NR6A1: variants seen among roughly 807,000 people sequenced by gnomAD.
NR6A1 encodes nuclear receptor subfamily 6 group A member 1.
In NR6A1, 7 loss-of-function variants were observed where a neutral mutation model predicts 59.1. The observed-to-expected ratio is 0.12, with a 90% CI of 0.07 to 0.22. The LOEUF is 0.22. Among genes scored for constraint, NR6A1 ranks in the 10% least tolerant of loss-of-function variants. The pLI is 1.00. For synonymous variants in NR6A1, 243 were observed against 236.1 expected (o/e 1.03, Z -0.27); for missense variants, 468 against 611.6 (o/e 0.77, Z 2.48).
intron 2 of NR6A1, among the ~76,000 whole-genome samples, chr9:124,712,992 A>G (rs900452369): frequency 2.0e-5 from 3 of 152,256 alleles, no homozygotes; most frequent in Non-Finnish European, 4.4e-5. Context: ...CAAAAACCCT[A>G]CAGCTTCCTG....
At chr9:124,590,436 A>C (rs114293837) in intron 2 of NR6A1, among the ~76,000 whole-genome samples, 1 of 152,138 alleles carries the variant, frequency 6.6e-6, no homozygotes, top group Middle Eastern at 3.2e-3. Context: ...CTTCTCCCCC[A>C]GTCACTCTCA....
intron 2 of NR6A1, among the ~76,000 whole-genome samples, chr9:124,609,575 T>C (rs147769905): frequency 7.5e-4 from 114 of 152,316 alleles, no homozygotes; most frequent in African/African-American, 2.6e-3. Flanking sequence ...TTGCTTAGGA[T>C]TGTCTTGGGT....
chr9:124,614,339 A>G (rs1835833121), intron 2 of NR6A1, among the ~76,000 whole-genome samples: 1 of 152,222 alleles, frequency 6.6e-6, no homozygotes, highest in African/African-American at 2.4e-5. Context: ...CTGGGGCTCC[A>G]TAGGGCCAAG....
At chr9:124,765,718 G>C (rs554798948) in intron 1 of NR6A1, among the ~76,000 whole-genome samples, 6 of 152,172 alleles carry the variant, frequency 3.9e-5, no homozygotes, top group Admixed American at 6.5e-5. Context: ...GGTTACACTA[G>C]TAAAGTCTTA....
At chr9:124,703,452 C>T (rs1379212143) in intron 2 of NR6A1, among the ~76,000 whole-genome samples, 1 of 150,888 alleles carries the variant, frequency 6.6e-6, no homozygotes, top group Non-Finnish European at 1.5e-5. Flanking sequence ...ATGCAATCCT[C>T]CCACCTCAGC....
intron 2 of NR6A1, among the ~76,000 whole-genome samples, chr9:124,659,223 A>C (rs1837349385): frequency 6.8e-6 from 1 of 145,998 alleles, no homozygotes. Context: ...AAAACCAGAC[A>C]GTCCTGGCCG....
intron 2 of NR6A1, among the ~76,000 whole-genome samples, chr9:124,633,255 T>C (rs1334952204): frequency 1.3e-5 from 2 of 151,460 alleles, no homozygotes; most frequent in African/African-American, 2.4e-5. Context: ...ATACAAAAAT[T>C]AGCCGGGCAT....
chr9:124,559,250 C>T (rs1046749712), intron 2 of NR6A1, among the ~76,000 whole-genome samples: 67 of 152,226 alleles, frequency 4.4e-4, no homozygotes, highest in African/African-American at 1.6e-3. Context: ...CACAATGTTC[C>T]AAGACAAAGA....
At chr9:124,595,747 A>G (rs1413628835) in intron 2 of NR6A1, 3 of 1,278,722 alleles carry the variant, frequency 2.3e-6, no homozygotes, top group African/African-American at 3.0e-5. Flanking sequence ...ACTGTTCCTT[A>G]CCTTCCCATG....
chr9:124,689,080 G>A (rs1838437222), intron 2 of NR6A1, among the ~76,000 whole-genome samples: 1 of 152,164 alleles, frequency 6.6e-6, no homozygotes, highest in South Asian at 2.1e-4. Context: ...GCTAGTCAGA[G>A]ATTGTTTTAA....
chr9:124,598,645 A>AT (rs893874347), intron 2 of NR6A1: 12 of 374,324 alleles, frequency 3.2e-5, no homozygotes, highest in East Asian at 6.5e-5. Flanking sequence ...GCAGAGTAAA[A>AT]TTAAAAAAAA....
chr9:124,524,699 A>G (rs1287323069), intron 9 of NR6A1, 22 bp downstream of exon 9: 4 of 1,610,078 alleles, frequency 2.5e-6, no homozygotes, highest in Admixed American at 1.7e-5. Flanking sequence ...AAGGGTTGGG[A>G]GCCCAAGACC....
chr9:124,683,571 A>G (rs112505901), intron 2 of NR6A1, among the ~76,000 whole-genome samples: 4 of 152,226 alleles, frequency 2.6e-5, no homozygotes, highest in Admixed American at 6.5e-5. Flanking sequence ...AGGCAGGTGG[A>G]TCACCTGAGG....
intron 2 of NR6A1, among the ~76,000 whole-genome samples, chr9:124,676,796 GGA>G (rs1353640398): frequency 1.1e-4 from 16 of 152,086 alleles, no homozygotes; most frequent in African/African-American, 3.9e-4. Context: ...TCACCGTTTG[GGA>G]CAGTTCTTCT....
chr9:124,753,677 T>C (rs1238485380), intron 1 of NR6A1, among the ~76,000 whole-genome samples: 1 of 152,242 alleles, frequency 6.6e-6, no homozygotes, highest in Non-Finnish European at 1.5e-5. Flanking sequence ...GTTCAACAAC[T>C]ACTTGTTCCC....
intron 1 of NR6A1, among the ~76,000 whole-genome samples, chr9:124,766,384 C>G (rs539749417): frequency 6.6e-6 from 1 of 152,186 alleles, no homozygotes; most frequent in African/African-American, 2.4e-5. Context: ...TATATCAGAT[C>G]ACTACTTATG....
intron 2 of NR6A1, among the ~76,000 whole-genome samples, chr9:124,622,146 G>A (rs1342943326): frequency 2.0e-5 from 3 of 152,194 alleles, no homozygotes; most frequent in Non-Finnish European, 4.4e-5. Flanking sequence ...AGCCTGGGAG[G>A]CAGAGGTTGC....
At chr9:124,554,298 TG>T in intron 3 of NR6A1, 29 bp downstream of exon 3, 2 of 1,613,844 alleles carry the variant, frequency 1.2e-6, no homozygotes, top group Non-Finnish European at 1.7e-6. Flanking sequence ...GAATGAAGGA[TG>T]GGCCATCAGA....
intron 2 of NR6A1, among the ~76,000 whole-genome samples, chr9:124,690,938 T>A (rs1384842507): frequency 6.6e-6 from 1 of 152,170 alleles, no homozygotes; most frequent in East Asian, 1.9e-4. Context: ...CTTTCTGTAG[T>A]TTTTCAAGTC....
Sources: allele counts gnomAD v4.1 joint callset (sites outside exome capture counted in the v4.1 genomes callset), GRCh38; gene constraint gnomAD v4.1.1; transcripts MANE v1.5; gene names NCBI Gene and HGNC (gene_info 2026-07-23, HGNC 2026-07-21).